SLC28A2: variants seen among roughly 807,000 people sequenced by gnomAD.
SLC28A2 encodes sodium/nucleoside cotransporter 2.
Under a neutral mutation model 72.9 loss-of-function variants are expected in SLC28A2, and 69 were observed. The observed-to-expected ratio is 0.95, with a 90% CI of 0.78 to 1.16. The LOEUF (loss-of-function observed/expected upper bound fraction) is 1.16. Among genes scored for constraint, SLC28A2 ranks in the 50% most tolerant of loss-of-function variants. The pLI, the probability that SLC28A2 is intolerant of heterozygous loss-of-function variation, is 0.00. For synonymous variants in SLC28A2, 296 were observed against 294.1 expected (o/e 1.01, Z -0.07); for missense variants, 745 against 791.1 (o/e 0.94, Z 0.70).
intron 3 of SLC28A2, among the ~76,000 whole-genome samples, chr15:45,257,937 C>A (rs963459193): frequency 1.3e-5 from 2 of 152,048 alleles, no homozygotes; most frequent in Non-Finnish European, 2.9e-5. Flanking sequence ...AAAAATATTC[C>A]TTGGGGCTGG....
chr15:45,263,455 GT>G (rs930534609), intron 5 of SLC28A2, among the ~76,000 whole-genome samples: 5 of 152,158 alleles, frequency 3.3e-5, no homozygotes, highest in African/African-American at 1.2e-4. Context: ...GGCAGGAGGA[GT>G]TTAGTTTCAG....
Position 45,253,509 on chromosome 15 carries a change from C to T in SLC28A2, c.159C>T (p.Ser53=). Residue 53 remains serine, a synonymous_variant, in exon 3 of 18, where the codon TCC becomes TCT. Transcript: ENST00000347644. ...GHSLGDGLGP[S]TYQRRSRWPF... ...GCCTGGGGGATGGACTGGGCCCTTC[C>T]ACTTACCAGAGGTACTGGTGTTTTG... The T allele has an allele frequency of 6.2e-7, 1 of 1,611,148 alleles. No individual in the cohort carries two copies. The highest frequency in any genetic ancestry group is 8.5e-7 in the Non-Finnish European group (1 of 1,177,494).
At chr15:45,272,640 C>A in intron 16 of SLC28A2, 33 bp from the exon 17 acceptor site, 3 of 1,221,652 alleles carry the variant, frequency 2.5e-6, no homozygotes, top group Non-Finnish European at 3.6e-6. Flanking sequence ...CGTGTCAGAT[C>A]TTCCCCTTAG....
intron 17 of SLC28A2, among the ~76,000 whole-genome samples, chr15:45,274,922 G>T (rs531152500): frequency 6.6e-6 from 1 of 152,034 alleles, no homozygotes; most frequent in Non-Finnish European, 1.5e-5. Context: ...AGACATGGGC[G>T]TTCATCATGT....
rs138497792 is a variant in SLC28A2 at position 45,265,422 on chromosome 15, G to T, written c.781-161G>T. ...TGTGGTTTAGTACTGGTGGGACAAT[G>T]GGTTTAATACATTTTAAATGTATCC... On this transcript the variant is annotated intron_variant, in intron 8 of 17. Transcript: ENST00000347644. Among the ~76,000 whole-genome samples, 1,152 of 152,222 alleles carry T rather than the reference G, an allele frequency of 7.6e-3. 12 individuals are homozygous for T. Among genetic ancestry groups the T allele is most frequent in the African/African-American group, 0.025 (1,024 of 41,514 alleles).
chr15:45,274,167 G>T (rs1434784334), intron 17 of SLC28A2, among the ~76,000 whole-genome samples: 6 of 152,110 alleles, frequency 3.9e-5, no homozygotes, highest in Non-Finnish European at 7.3e-5. Context: ...GCCACCTCAG[G>T]TCGGGCTTCA....
At chr15:45,253,556 G>A (rs905367751) in intron 3 of SLC28A2, 36 bp downstream of exon 3, 8 of 1,474,212 alleles carry the variant, frequency 5.4e-6, no homozygotes, top group African/African-American at 4.1e-5. Flanking sequence ...AGTTAGGAAA[G>A]GATCTAGGGT....
At chr15:45,252,963 T>C (rs909527579) in intron 1 of SLC28A2, among the ~76,000 whole-genome samples, 2 of 152,236 alleles carry the variant, frequency 1.3e-5, no homozygotes, top group African/African-American at 4.8e-5. Context: ...TCTTCTCCTA[T>C]CTTACTGCCT....
intron 3 of SLC28A2, among the ~76,000 whole-genome samples, chr15:45,258,082 G>A (rs1900028202): frequency 1.3e-5 from 2 of 152,068 alleles, no homozygotes; most frequent in Admixed American, 1.3e-4. Context: ...AAATATGTGG[G>A]CATGGTGGTG....
chr15:45,267,830 G>A (rs1395878300), intron 12 of SLC28A2, 34 bp downstream of exon 12: 20 of 1,612,330 alleles, frequency 1.2e-5, no homozygotes, highest in Non-Finnish European at 1.6e-5. Flanking sequence ...TTGGGAGATG[G>A]TGAGCTGTAG....
In SLC28A2 at chr15:45,253,302, C is replaced by T; in HGVS notation, c.81+6C>T. 6.2e-7 allele frequency: 1 copy of T among 1,609,668 alleles called. No homozygotes were observed. The highest frequency in any genetic ancestry group is 8.5e-7 in the Non-Finnish European group (1 of 1,175,986). The stretch of plus-strand genomic sequence containing the variant: ...ACCCGGGGCTGGAGCTCATGGTAAT[C>T]ACCAGTTTAGTTTCTCTCTGCAGAG... On this transcript the variant is annotated splice_donor_region_variant and intron_variant, in intron 2 of 17. Transcript: ENST00000347644.
rs115740452 is a variant in SLC28A2, at chr15:45,263,223, G to T, written c.425G>T (p.Arg142Leu). The T allele has an allele frequency of 3.1e-6, 5 of 1,613,770 alleles. No individual in the cohort carries two copies. The highest frequency in any genetic ancestry group is 4.2e-6 in the Non-Finnish European group (5 of 1,179,872). Reference protein sequence around the residue: ...TRCLKPFENSRLRLWTKWVFA... With the variant: ...TRCLKPFENSLLRLWTKWVFA... ...TGTCTGAAGCCCTTTGAAAACTCCC[G>T]CCTGAGGCTTTGGACGAAATGGTAA... The change falls in exon 5 of 18, where the codon CGC becomes CTC. Residue 142 changes from arginine to leucine, a missense_variant. Transcript: ENST00000347644.
chr15:45,255,884 A>C (rs1899961399), intron 3 of SLC28A2: 1 of 152,176 alleles, frequency 6.6e-6, no homozygotes, highest in Admixed American at 6.5e-5. Flanking sequence ...ATTCCTGAAA[A>C]TGTAACAATC....
intron 3 of SLC28A2, among the ~76,000 whole-genome samples, chr15:45,257,723 C>T (rs1399151065): frequency 6.6e-6 from 1 of 152,070 alleles, no homozygotes; most frequent in Non-Finnish European, 1.5e-5. Context: ...CATACTGATA[C>T]CCACTTTTCT....
rs540367475 is a variant in SLC28A2, at chr15:45,267,410, G to C, written c.943-45G>C. On this transcript the variant is annotated intron_variant, in intron 10 of 17. Coordinates refer to ENST00000347644, the MANE Select transcript of SLC28A2 (RefSeq NM_004212.4). ...GCTGGGGTGGGCACACTGGCATGGG[G>C]AGTTACACCTTCTTGGAATCTGACT... is the stretch of plus-strand genomic sequence containing the variant. The C allele has an allele frequency of 1.5e-5, 24 of 1,611,844 alleles. No individual in the cohort carries two copies. The East Asian group carries it at 5.1e-4, about 34-fold the overall frequency.
chr15:45,265,201 A>G, intron 8 of SLC28A2, 35 bp downstream of exon 8: 3 of 1,324,354 alleles, frequency 2.3e-6, no homozygotes, highest in East Asian at 2.3e-5. Context: ...ATGATGGTCT[A>G]TGGAGGGGTA....
chr15:45,253,594 A>G (rs1039863763), intron 3 of SLC28A2, 74 bp downstream of exon 3: 1 of 870,404 alleles, frequency 1.1e-6, no homozygotes, highest in African/African-American at 1.7e-5. Context: ...AGCTTGTGGT[A>G]TTATCACAAC....
At position 45,266,080 on chromosome 15, in the gene SLC28A2, G is replaced by A; in HGVS notation, c.862-1G>A. 1 of 1,608,810 alleles carries A rather than the reference G, an allele frequency of 6.2e-7. No individual in the cohort carries two copies. The highest frequency in any genetic ancestry group is 8.5e-7 in the Non-Finnish European group (1 of 1,175,254). On this transcript the variant is annotated splice_acceptor_variant, in intron 9 of 17. Coordinates refer to ENST00000347644, the MANE Select transcript of SLC28A2 (RefSeq NM_004212.4). LOFTEE classifies it high-confidence loss of function. ...TGGTTTAGGTTTCTGTATTCTTCTAGGTCGCCTGGTTTTTACAAATCACTA... is the reference window on the plus strand; with the variant it reads ...TGGTTTAGGTTTCTGTATTCTTCTAAGTCGCCTGGTTTTTACAAATCACTA...
rs949718163 is a variant in SLC28A2, at chr15:45,277,068, T to C, written c.*1555T>C. The stretch of plus-strand genomic sequence containing the variant: ...TTAAAGTGGGAGGATGCTACTGACA[T>C]CTAGTGAGTAGAGGCCAATATTGCT... On this transcript the variant is annotated 3_prime_UTR_variant, in exon 18 of 18. Transcript: ENST00000347644. 1 of 152,086 alleles carries C rather than the reference T, an allele frequency of 6.6e-6. No homozygotes were observed. 9.4% of individuals were successfully genotyped at this position (152,086 alleles called of 1,614,324 possible).
Sources: gnomAD v4.1 joint callset for allele counts (sites outside exome capture counted in the v4.1 genomes callset) on GRCh38, gnomAD v4.1.1 for gene constraint, MANE v1.5 for transcripts, NCBI Gene and HGNC (gene_info 2026-07-23, HGNC 2026-07-21) for gene names.